Variants in MMP14 observed in about 807,000 individuals in gnomAD.
The protein encoded by MMP14 is matrix metallopeptidase 14, also known as matrix metalloproteinase-14.
A neutral mutation model predicts 64.8 loss-of-function variants in MMP14; 13 were observed. The ratio of observed to expected loss-of-function variants is 0.20; its 90% CI spans 0.13 to 0.32. The LOEUF (loss-of-function observed/expected upper bound fraction) is 0.32. Ranked by LOEUF, MMP14 falls within the 10% of genes least tolerant of loss-of-function variation. The pLI, the probability that MMP14 is intolerant of heterozygous loss-of-function variation, is 1.00. For synonymous variants in MMP14, 322 were observed against 315.9 expected, an observed-to-expected ratio of 1.02 and a Z score of -0.20; for missense variants, 594 against 783.8, an observed-to-expected ratio of 0.76 and a Z score of 2.89.
In MMP14 at chr14:22,845,722, T is replaced by C. The variant is rs1364207266; in HGVS notation, c.1432T>C (p.Tyr478His). 2.5e-6 allele frequency: 4 copies of C among 1,613,878 alleles called. No homozygotes were observed. The highest frequency in any genetic ancestry group is 1.1e-5 in the South Asian group (1 of 91,082). The change falls in exon 10 of 10, where the codon TAC becomes CAC. Residue 478 changes from tyrosine to histidine, a missense_variant. Around this residue, in one of 4 missense-constraint regions of MMP14, gnomAD observed 364 missense variants for 425.2 expected, o/e 0.86. Coordinates refer to ENST00000311852, the MANE Select transcript of MMP14 (RefSeq NM_004995.4). Reference sequence around the variant, plus strand: ...ACTCCCTGCAGTCTTCACTTACTTCTACAAGGGGAACAAATACTGGAAATT... The same window carrying C: ...ACTCCCTGCAGTCTTCACTTACTTCCACAAGGGGAACAAATACTGGAAATT... ...MGSDEVFTYFYKGNKYWKFNN... is the reference protein window; with the variant it reads ...MGSDEVFTYFHKGNKYWKFNN...
rs987936803 is a variant in MMP14, at chr14:22,843,515, G to A, written c.850+97G>A. ...TTTTATGCCTTGCAGTCTCCGCACC[G>A]CCCCCTGCCAACCTGCCCCTGCCTC... On this transcript the variant is annotated intron_variant, in intron 5 of 9. Transcript: ENST00000311852. This position sits in a 1 kb window ranked among gnomAD's most constrained non-coding sequence, Gnocchi z 4.8. The A allele has an allele frequency of 3.3e-5, 49 of 1,466,930 alleles. No individual in the cohort carries two copies. In the African/African-American group the frequency reaches 3.8e-4, roughly 11 times the overall value. 90.9% of individuals were successfully genotyped at this position (1,466,930 alleles called of 1,614,324 possible). A position where few individuals can be genotyped will look rare whatever the true frequency, so the allele number is the denominator to read the frequency against.
chr14:22,840,745 C>T (rs1195568899), intron 1 of MMP14, among the ~76,000 whole-genome samples: 4 of 152,110 alleles, frequency 2.6e-5, no homozygotes, highest in Non-Finnish European at 1.5e-5. Context: ...CTCCTGACCT[C>T]GTGATCAGCC....
In MMP14 at chr14:22,843,779, A is replaced by G. The variant is rs1220846314; in HGVS notation, c.920A>G (p.Asp307Gly). 9 of 1,613,530 alleles carry G rather than the reference A, an allele frequency of 5.6e-6. No homozygotes were observed. Among genetic ancestry groups the G allele is most frequent in the Non-Finnish European group, 7.6e-6 (9 of 1,179,890 alleles). ...ACTACCTCCCGGCCTTCTGTTCCTGATAAACCCAAAAACCCCACCTATGGG... is the reference window on the plus strand; with the variant it reads ...ACTACCTCCCGGCCTTCTGTTCCTGGTAAACCCAAAAACCCCACCTATGGG... ...PRTTSRPSVP[D>G]KPKNPTYGPN... The change falls in exon 6 of 10, where the codon GAT becomes GGT. Residue 307 changes from aspartate (D) to glycine (G), a missense_variant. Transcript: ENST00000311852. This position sits in a 1 kb window ranked among gnomAD's most constrained non-coding sequence, Gnocchi z 4.8.
chr14:22,840,591 C>T lies in MMP14; in HGVS notation c.109-900C>T, dbSNP rs1049790691. On this transcript the variant is annotated intron_variant, in intron 1 of 9. Transcript: ENST00000311852. The stretch of plus-strand genomic sequence containing the variant: ...TGGCGCAATCTCAGCTCGCTGCAAG[C>T]TCCGCCTCCTGCGTTCACACCATTC... Among the ~76,000 whole-genome samples, 3 of 152,056 alleles carry T rather than the reference C, an allele frequency of 2.0e-5. No individual in the cohort carries two copies. In the South Asian group the frequency reaches 6.2e-4, roughly 32 times the overall value.
At chr14:22,837,115 C>A (rs1654750181) in intron 1 of MMP14, 190 bp downstream of exon 1, 1 of 692,932 alleles carries the variant, frequency 1.4e-6, no homozygotes, top group Non-Finnish European at 2.6e-6. Context: ...CTTTTGCCCG[C>A]TTCCAACCAG....
At chr14:22,839,962 C>CTTTTTTTTTTTTTTTTT (rs577502772) in intron 1 of MMP14, among the ~76,000 whole-genome samples, 2 of 90,802 alleles carry the variant, frequency 2.2e-5, no homozygotes, top group Admixed American at 1.4e-4. Context: ...GCTTGTTTTA[C>CTTTTTTTTTTTTTTTTT]TTTTTTTTTT....
In MMP14 at chr14:22,841,902, A is replaced by T; in HGVS notation, c.258-11A>T. 1.2e-6 allele frequency: 2 copies of T among 1,614,018 alleles called. No individual in the cohort carries two copies. Among genetic ancestry groups the T allele is most frequent in the Non-Finnish European group, 1.7e-6 (2 of 1,179,998 alleles). On this transcript the variant is annotated splice_polypyrimidine_tract_variant and intron_variant, in intron 2 of 9. Transcript: ENST00000311852. ...CACTGATCCCAATCCTCGCACCCAA[A>T]CCCACTCCAGGGCCATGAGGCGCCC... is the stretch of plus-strand genomic sequence containing the variant.
chr14:22,837,011 G>A (rs2039738138), intron 1 of MMP14, 86 bp downstream of exon 1: 2 of 1,042,324 alleles, frequency 1.9e-6, no homozygotes, highest in African/African-American at 1.6e-5. Context: ...TCTATTCGGA[G>A]AGGAGGGCTT....
Position 22,841,611 on chromosome 14 carries a change from A to T in MMP14, c.229A>T (p.Thr77Ser), listed in dbSNP as rs2039773524. The T allele has an allele frequency of 3.1e-6, 5 of 1,614,102 alleles. No homozygotes were observed. In the East Asian group the frequency reaches 1.1e-4, roughly 36 times the overall value. The change falls in exon 2 of 10, where the codon ACA (threonine) becomes TCA (serine). Residue 77 changes from threonine to serine, a missense_variant. Transcript: ENST00000311852. ...AMQKFYGLQV[T>S]GKADADTMKA... is the part of the protein sequence containing the mutation. ...GCAGAAGTTTTACGGCTTGCAAGTA[A>T]CAGGCAAAGCTGATGCAGACACCAT... is the stretch of plus-strand genomic sequence containing the variant.
At chr14:22,838,391 G>A (rs1279089942) in intron 1 of MMP14, among the ~76,000 whole-genome samples, 2 of 152,098 alleles carry the variant, frequency 1.3e-5, no homozygotes, top group Non-Finnish European at 2.9e-5. Context: ...GGTCATGGGC[G>A]GTCCCAGTGC....
intron 1 of MMP14, among the ~76,000 whole-genome samples, chr14:22,840,583 G>A (rs932726544): frequency 2.6e-5 from 4 of 151,024 alleles, no homozygotes; most frequent in Non-Finnish European, 2.9e-5. Flanking sequence ...ATCTCAGCTC[G>A]CTGCAAGCTC....
Position 22,842,245 on chromosome 14 carries a change from C to T in MMP14, c.381-165C>T. On this transcript the variant is annotated intron_variant, in intron 3 of 9. Coordinates refer to ENST00000311852, the MANE Select transcript of MMP14 (RefSeq NM_004995.4). This position sits in a 1 kb window ranked among gnomAD's most constrained non-coding sequence, Gnocchi z 5.3. The stretch of plus-strand genomic sequence containing the variant: ...GCCAGAGAGCCAGAGCCTGAGGATC[C>T]CTTGTTCTTGAGACAGAGGCGTTGC... 9.8e-7 allele frequency: 1 copy of T among 1,017,198 alleles called. No individual in the cohort carries two copies. The highest frequency in any genetic ancestry group is 1.4e-6 in the Non-Finnish European group (1 of 700,980). 63.0% of individuals were successfully genotyped at this position (1,017,198 alleles called of 1,614,324 possible).
intron 1 of MMP14, among the ~76,000 whole-genome samples, chr14:22,837,934 C>A (rs1209347755): frequency 1.3e-5 from 2 of 152,216 alleles, no homozygotes; most frequent in African/African-American, 4.8e-5. Context: ...CTCAGCCTGG[C>A]AAGGGCCTGG....
intron 1 of MMP14, chr14:22,837,470 G>A (rs2039742927): frequency 2.2e-6 from 1 of 450,964 alleles, no homozygotes. Flanking sequence ...CGAGCGTCCA[G>A]GGCCACAGCC....
Position 22,846,397 on chromosome 14 carries a change from G to C in MMP14, c.*358G>C. 3.9e-6 allele frequency: 1 copy of C among 254,848 alleles called. No individual in the cohort carries two copies. Among genetic ancestry groups the C allele is most frequent in the South Asian group, 1.2e-4 (1 of 8,344 alleles). The allele number at this position is 254,848 out of a possible 1,614,324, so 15.8% of individuals were successfully genotyped here. A position where few individuals can be genotyped will look rare whatever the true frequency, so the allele number is the denominator to read the frequency against. ...ACCTCGCTGGTAAAGGTCAAATGGG[G>C]TCATCTGCTCCTTTTCCATCCCCTG... On this transcript the variant is annotated 3_prime_UTR_variant, in exon 10 of 10. Transcript: ENST00000311852.
chr14:22,837,146 G>A, intron 1 of MMP14: 1 of 682,816 alleles, frequency 1.5e-6, no homozygotes, highest in Non-Finnish European at 2.7e-6. Flanking sequence ...CCCCTGCGCC[G>A]CCGACTCTCC....
At chr14:22,841,382 A>T in intron 1 of MMP14, 109 bp from the exon 2 acceptor site, 2 of 1,418,536 alleles carry the variant, frequency 1.4e-6, no homozygotes, top group Non-Finnish European at 1.9e-6. Context: ...CTGGGAACCC[A>T]CTGCCCTTTC....
chr14:22,845,332 G>A lies in MMP14; in HGVS notation c.1383G>A (p.Glu461=), dbSNP rs748825415. The change falls in exon 9 of 10, where the codon GAG becomes GAA. Residue 461 remains glutamate, a synonymous_variant. Coordinates refer to ENST00000311852, the MANE Select transcript of MMP14 (RefSeq NM_004995.4). ...KNIKVWEGIP[E]SPRGSFMGSD... is the part of the protein sequence containing the mutation. ...TCAAAGTCTGGGAAGGGATCCCTGAGTCTCCCAGAGGGTCATTCATGGGCA... is the reference window on the plus strand; with the variant it reads ...TCAAAGTCTGGGAAGGGATCCCTGAATCTCCCAGAGGGTCATTCATGGGCA... 9 of 1,612,884 alleles carry A rather than the reference G, an allele frequency of 5.6e-6. No homozygotes were observed. The highest frequency in any genetic ancestry group is 7.6e-6 in the Non-Finnish European group (9 of 1,179,424).
At position 22,844,790 on chromosome 14, in the gene MMP14, C is replaced by CA; in HGVS notation, c.1301+12dup. The CA allele has an allele frequency of 6.2e-7, 1 of 1,614,062 alleles. No homozygotes were observed. The highest frequency in any genetic ancestry group is 8.5e-7 in the Non-Finnish European group (1 of 1,179,976). ...TCTTCCGTGGAAACAAGTAAGACCT[C>CA]AACCCCTTAACCCCAGGCCTCCCTC... On this transcript the variant is annotated intron_variant, in intron 8 of 9. Coordinates refer to ENST00000311852, the MANE Select transcript of MMP14 (RefSeq NM_004995.4).
Sources: allele counts gnomAD v4.1 joint callset (sites outside exome capture counted in the v4.1 genomes callset), GRCh38; gene constraint gnomAD v4.1.1; regional missense constraint gnomAD v4.1.1; non-coding constraint Gnocchi (gnomAD v3.1); transcripts MANE v1.5; gene names NCBI Gene and HGNC (gene_info 2026-07-23, HGNC 2026-07-21).